The following PCDH15 variants were observed in gnomAD, a reference collection of about 807,000 sequenced individuals.
PCDH15 encodes the protein protocadherin related 15.
In PCDH15, 129 loss-of-function variants were observed where a neutral mutation model predicts 178.5. That is an observed-to-expected ratio of 0.72 (90% CI 0.63 to 0.84). The LOEUF is 0.84. Among genes scored for constraint, PCDH15 ranks in the 40% least tolerant of loss-of-function variants. The probability of loss-of-function intolerance (pLI) is 0.00; values close to 1 mark genes in which losing one functional copy is unlikely to be tolerated. For synonymous variants in PCDH15, 800 were observed against 732.0 expected (o/e 1.09, Z -1.50); for missense variants, 2,230 against 2,099.9 (o/e 1.06, Z -1.21).
intron 2 of PCDH15, among the ~76,000 whole-genome samples, chr10:54,933,975 G>A (rs993248260): frequency 6.6e-6 from 1 of 151,938 alleles, no homozygotes; most frequent in African/African-American, 2.4e-5. Context: ...TTCTTGCTTC[G>A]GTGTACCCTG....
At chr10:54,022,549 A>G (rs2092956056) in intron 19 of PCDH15, among the ~76,000 whole-genome samples, 1 of 152,108 alleles carries the variant, frequency 6.6e-6, no homozygotes, top group Admixed American at 6.6e-5. Context: ...TGGAGGCACA[A>G]TGTGGGAGAT....
At chr10:54,882,580 A>G (rs1383084078) in intron 3 of PCDH15, among the ~76,000 whole-genome samples, 3 of 152,076 alleles carry the variant, frequency 2.0e-5, no homozygotes, top group Non-Finnish European at 1.5e-5. Context: ...TAAATGAGGA[A>G]TCTCATTCTT....
chr10:55,105,830 C>A (rs2132050478), intron 2 of PCDH15, among the ~76,000 whole-genome samples: 1 of 151,998 alleles, frequency 6.6e-6, no homozygotes, highest in East Asian at 1.9e-4. Flanking sequence ...GAAAAAAAAT[C>A]AATCCATAAA....
rs879581481 is a variant in PCDH15, at chr10:54,198,674, T to A, written c.1099-2785A>T. Among the ~76,000 whole-genome samples, 55 of 125,110 alleles carry A rather than the reference T, an allele frequency of 4.4e-4. 5 individuals carry two copies. The highest frequency in any genetic ancestry group is 7.0e-4 in the Non-Finnish European group (45 of 63,918). The allele number at this position is 125,110 out of a possible 152,430, so 82.1% of individuals were successfully genotyped here. ...CCGCCACTACGCCCGGCTAATTTTT[T>A]GTATTTTTAGTAGAGACGGGGTTTC... On this transcript the variant is annotated intron_variant, in intron 10 of 37. Transcript: ENST00000644397.
chr10:55,147,638 A>G lies in PCDH15; in HGVS notation c.-80+18938T>C, dbSNP rs555808340. Among the ~76,000 whole-genome samples the G allele has an allele frequency of 2.8e-5, 3 of 109,044 alleles. No homozygotes were observed. The South Asian group carries it at 1.1e-3, about 40-fold the overall frequency. The allele number at this position is 109,044 out of a possible 152,430, so 71.5% of individuals were successfully genotyped here. ...TTTGTCTAAGTCTCCTTTTCTCCCT[A>G]TCTTTCCTCTTCCTTTTTTTTTTAA... On this transcript the variant is annotated intron_variant, in intron 2 of 5. Coordinates refer to the PCDH15 transcript ENST00000458638.
At chr10:53,836,011 C>T (rs185037486) in intron 29 of PCDH15, among the ~76,000 whole-genome samples, 16 of 152,148 alleles carry the variant, frequency 1.1e-4, no homozygotes, top group African/African-American at 3.4e-4. Context: ...AAACAAGGGC[C>T]GTAAGTATTA....
At chr10:54,189,619 A>G (rs2048783477) in intron 11 of PCDH15, among the ~76,000 whole-genome samples, 3 of 152,182 alleles carry the variant, frequency 2.0e-5, no homozygotes, top group African/African-American at 7.2e-5. Flanking sequence ...ACCTCTTCAT[A>G]GTAAAATAAC....
intron 26 of PCDH15, among the ~76,000 whole-genome samples, chr10:53,885,799 T>C (rs2081051953): frequency 6.6e-6 from 1 of 152,180 alleles, no homozygotes; most frequent in Non-Finnish European, 1.5e-5. Context: ...AATATTTTCA[T>C]GTAAATAATA....
chr10:53,954,775 T>C (rs186336455), intron 23 of PCDH15, among the ~76,000 whole-genome samples: 1 of 152,328 alleles, frequency 6.6e-6, no homozygotes, highest in Non-Finnish European at 1.5e-5. Flanking sequence ...TAATCTGAGA[T>C]TTGCTTTGAA....
rs577764515 is a variant in PCDH15, at chr10:54,501,760, A to C, written c.157+26052T>G. Among the ~76,000 whole-genome samples, 7 of 152,188 alleles carry C rather than the reference A, an allele frequency of 4.6e-5. No homozygotes were observed. The South Asian group carries it at 1.0e-3, about 23-fold the overall frequency. On this transcript the variant is annotated intron_variant, in intron 3 of 37. Transcript: ENST00000644397. ...ATAATTCTCCATGATTATACATATA[A>C]AAGTATATAATTATATATGATTTGT...
At chr10:54,650,003 G>C (rs2135170054) in intron 2 of PCDH15, among the ~76,000 whole-genome samples, 1 of 152,142 alleles carries the variant, frequency 6.6e-6, no homozygotes, top group Non-Finnish European at 1.5e-5. Context: ...GCCAAGTCCT[G>C]AGGAAAATAT....
chr10:54,399,748 C>A (rs577982626), intron 3 of PCDH15, among the ~76,000 whole-genome samples: 1 of 152,052 alleles, frequency 6.6e-6, no homozygotes, highest in Non-Finnish European at 1.5e-5. Context: ...AGCAGTAAGA[C>A]GCTGGGCTGT....
At chr10:54,065,971 C>T (rs1467363825) in intron 18 of PCDH15, among the ~76,000 whole-genome samples, 1 of 152,128 alleles carries the variant, frequency 6.6e-6, no homozygotes, top group Non-Finnish European at 1.5e-5. Flanking sequence ...AAAGTCAGAA[C>T]CTTCACAGGG....
intron 2 of PCDH15, among the ~76,000 whole-genome samples, chr10:55,502,291 T>C (rs1205234757): frequency 4.0e-5 from 6 of 151,658 alleles, no homozygotes; most frequent in Admixed American, 2.0e-4. Context: ...TACAGTGTCA[T>C]TGACACATGC....
intron 2 of PCDH15, among the ~76,000 whole-genome samples, chr10:55,453,684 T>C (rs1839483894): frequency 6.6e-6 from 1 of 152,154 alleles, no homozygotes; most frequent in South Asian, 2.1e-4. Context: ...TGCTGGATAC[T>C]GACCCTGACT....
At chr10:54,270,195 A>G in intron 8 of PCDH15, among the ~76,000 whole-genome samples, 1 of 152,128 alleles carries the variant, frequency 6.6e-6, no homozygotes, top group East Asian at 1.9e-4. Flanking sequence ...TCCAGTTTTT[A>G]AAAATGGGAT....
chr10:55,407,770 G>C (rs1838232729), intron 2 of PCDH15, among the ~76,000 whole-genome samples: 1 of 152,090 alleles, frequency 6.6e-6, no homozygotes, highest in African/African-American at 2.4e-5. Context: ...GAAAGGAGAA[G>C]GCAACAATTC....
chr10:55,039,784 C>T (rs1417962961), intron 2 of PCDH15, among the ~76,000 whole-genome samples: 2 of 152,038 alleles, frequency 1.3e-5, no homozygotes, highest in African/African-American at 4.8e-5. Flanking sequence ...TATGTTACAG[C>T]GTTTATAAAT....
In PCDH15 at chr10:54,932,769, G is replaced by A. The variant is rs533439166; in HGVS notation, c.-79-35269C>T. Among the ~76,000 whole-genome samples the A allele has an allele frequency of 3.9e-5, 6 of 152,146 alleles. No individual in the cohort carries two copies. The East Asian group carries it at 7.8e-4, about 20-fold the overall frequency. Reference sequence around the variant, plus strand: ...TCAGGCAGGTCTCAAACCCCTGACTGCAGATGATCCACCCGCCTCGGCCTC... The same window carrying A: ...TCAGGCAGGTCTCAAACCCCTGACTACAGATGATCCACCCGCCTCGGCCTC... On this transcript the variant is annotated intron_variant, in intron 2 of 5. Transcript: ENST00000458638.
Sources: allele counts gnomAD v4.1 joint callset (sites outside exome capture counted in the v4.1 genomes callset), GRCh38; gene constraint gnomAD v4.1.1; transcripts MANE v1.5; gene names NCBI Gene and HGNC (gene_info 2026-07-23, HGNC 2026-07-21).